ATL1: variants seen among roughly 807,000 people sequenced by gnomAD.
ATL1 encodes atlastin GTPase 1.
In ATL1, 31 loss-of-function variants were observed where a neutral mutation model predicts 75.5. The observed-to-expected ratio is 0.41, with a 90% CI of 0.31 to 0.55. The LOEUF is 0.55. ATL1 is among the 20% of genes least tolerant of loss of function. The probability of loss-of-function intolerance (pLI) is 0.27; values close to 1 mark genes in which losing one functional copy is unlikely to be tolerated. For synonymous variants in ATL1, 226 were observed against 233.3 expected, an observed-to-expected ratio of 0.97 and a Z score of 0.28; for missense variants, 405 against 662.6, an observed-to-expected ratio of 0.61 and a Z score of 4.27.
intron 1 of ATL1, among the ~76,000 whole-genome samples, chr14:50,554,844 T>C (rs1204445576): frequency 6.6e-6 from 1 of 152,200 alleles, no homozygotes; most frequent in Non-Finnish European, 1.5e-5. Flanking sequence ...TTCAGTCTCT[T>C]GGTTCCCTCC....
Position 50,591,257 on chromosome 14 carries a change from A to G in ATL1, c.417+182A>G, listed in dbSNP as rs369779385. Among the ~76,000 whole-genome samples, 72 of 152,350 alleles carry G rather than the reference A, an allele frequency of 4.7e-4. 3 individuals carry two copies. The South Asian group carries it at 0.014, about 30-fold the overall frequency. ...TCTTGTGATCAGAGTAGGCGAAATT[A>G]TAACGATGATAGAACAGCAGATCAG... On this transcript the variant is annotated intron_variant, in intron 3 of 13. Transcript: ENST00000358385.
At chr14:50,600,565 A>G (rs1365006946) in intron 6 of ATL1, among the ~76,000 whole-genome samples, 3 of 152,242 alleles carry the variant, frequency 2.0e-5, no homozygotes, top group Admixed American at 6.5e-5. Context: ...TTCAAATTTC[A>G]AAACATATAT....
chr14:50,631,070 C>G (rs2039575239), intron 13 of ATL1: 3 of 363,968 alleles, frequency 8.2e-6, no homozygotes, highest in Non-Finnish European at 1.6e-5. Context: ...ACCAGCCTGG[C>G]TAACATGGTG....
intron 6 of ATL1, among the ~76,000 whole-genome samples, chr14:50,598,785 T>C (rs1289657725): frequency 2.0e-5 from 3 of 152,114 alleles, no homozygotes; most frequent in Non-Finnish European, 4.4e-5. Context: ...AACTAAACAG[T>C]TTAAATACAC....
intron 1 of ATL1, among the ~76,000 whole-genome samples, chr14:50,544,297 C>T (rs915650212): frequency 6.6e-6 from 1 of 152,190 alleles, no homozygotes; most frequent in African/African-American, 2.4e-5. Flanking sequence ...CCAATAACTA[C>T]CCTCTTTTCT....
intron 1 of ATL1, among the ~76,000 whole-genome samples, chr14:50,582,679 G>A (rs139763750): frequency 0.049 from 7,393 of 151,334 alleles, 277 homozygotes; most frequent in Admixed American, 0.13. Context: ...ACCCGCCTCG[G>A]CCTCCCAAAG....
intron 5 of ATL1, among the ~76,000 whole-genome samples, 166 bp from the exon 6 acceptor site, chr14:50,595,410 A>G (rs749049814): frequency 6.6e-6 from 1 of 152,158 alleles, no homozygotes; most frequent in Non-Finnish European, 1.5e-5. Flanking sequence ...TCCAATGCTT[A>G]TTTCCTAAAA....
intron 1 of ATL1, among the ~76,000 whole-genome samples, chr14:50,581,712 A>G (rs1370578821): frequency 6.6e-6 from 1 of 152,132 alleles, no homozygotes; most frequent in Non-Finnish European, 1.5e-5. Context: ...TTTGAAGTTT[A>G]TTGAGATCTG....
In ATL1 at chr14:50,576,005, C is replaced by T. The variant is rs181694156; in HGVS notation, c.35-11826C>T. 4.1e-3 allele frequency among the ~76,000 whole-genome samples: 619 copies of T among 152,152 alleles called. 3 individuals are homozygous for T. The highest frequency in any genetic ancestry group is 0.013 in the African/African-American group (552 of 41,512). On this transcript the variant is annotated intron_variant, in intron 1 of 13. Transcript: ENST00000358385. Reference sequence around the variant, plus strand: ...AAGGTGAAATGATATACAGACTATCCTCAACTTATGATGGTTTGACCTATG... The same window carrying T: ...AAGGTGAAATGATATACAGACTATCTTCAACTTATGATGGTTTGACCTATG...
intron 8 of ATL1, among the ~76,000 whole-genome samples, chr14:50,619,719 T>G (rs1259531416): frequency 6.6e-6 from 1 of 152,198 alleles, no homozygotes; most frequent in Non-Finnish European, 1.5e-5. Flanking sequence ...TTTCTTGCTA[T>G]TTTATTTTGT....
chr14:50,623,086 C>G (rs1333010740), intron 10 of ATL1, 91 bp from the exon 11 acceptor site: 2 of 1,046,184 alleles, frequency 1.9e-6, no homozygotes, highest in East Asian at 2.5e-5. Flanking sequence ...TTGCACATTT[C>G]TTGCACATGA....
At chr14:50,595,683 T>C (rs958573018) in intron 6 of ATL1, 51 bp downstream of exon 6, 37 of 1,510,792 alleles carry the variant, frequency 2.4e-5, no homozygotes, top group Non-Finnish European at 3.4e-5. Flanking sequence ...TCCTGAAGAC[T>C]GTAACCAGGT....
rs35629585 is a variant in ATL1, at chr14:50,595,623, G to A, written c.621G>A (p.Lys207=). Residue 207 remains lysine, a synonymous_variant, in exon 6 of 14, where the codon AAG becomes AAA. Transcript: ENST00000358385. ...GRLAMEETFL[K]PFQSLIFLVR... is the part of the protein sequence containing the mutation. ...TGGCAATGGAGGAAACATTCCTGAA[G>A]CCATTTCAGGTGAGCGAGTGTTAAA... 714 of 1,613,716 alleles carry A rather than the reference G, an allele frequency of 4.4e-4. 4 individuals are homozygous for A. In the African/African-American group the frequency reaches 8.0e-3, roughly 18 times the overall value.
In ATL1 at chr14:50,587,766, G is replaced by A. The variant is rs2039116118; in HGVS notation, c.35-65G>A. The A allele has an allele frequency of 5.6e-6, 9 of 1,606,090 alleles. No homozygotes were observed. In the South Asian group the frequency reaches 8.8e-5, roughly 16 times the overall value. On this transcript the variant is annotated intron_variant, in intron 1 of 13. Coordinates refer to ENST00000358385, the MANE Select transcript of ATL1 (RefSeq NM_015915.5). ...TGTGTCGGATGTTTGAGAGTTAAGA[G>A]GTACATATACATTTCTTGGCACTTT...
chr14:50,586,531 T>C (rs2039103608), intron 1 of ATL1, among the ~76,000 whole-genome samples: 1 of 152,162 alleles, frequency 6.6e-6, no homozygotes, highest in South Asian at 2.1e-4. Flanking sequence ...TCTCTAACAT[T>C]GGGGATTAAG....
At chr14:50,550,660 T>G (rs1204803072) in intron 1 of ATL1, among the ~76,000 whole-genome samples, 1 of 152,082 alleles carries the variant, frequency 6.6e-6, no homozygotes, top group African/African-American at 2.4e-5. Flanking sequence ...ACAAAACAAG[T>G]CTCAATAAAC....
At chr14:50,575,164 A>G (rs1440543970) in intron 1 of ATL1, among the ~76,000 whole-genome samples, 1 of 151,656 alleles carries the variant, frequency 6.6e-6, no homozygotes, top group Non-Finnish European at 1.5e-5. Context: ...CTACACACAC[A>G]CATACACACA....
chr14:50,551,484 C>A (rs1043015043), intron 1 of ATL1, among the ~76,000 whole-genome samples: 9 of 151,990 alleles, frequency 5.9e-5, no homozygotes, highest in African/African-American at 2.2e-4. Flanking sequence ...GAAACTATTT[C>A]AAAAGATAAA....
chr14:50,629,057 A>G (rs2039551576), intron 12 of ATL1, among the ~76,000 whole-genome samples: 1 of 152,216 alleles, frequency 6.6e-6, no homozygotes, highest in South Asian at 2.1e-4. Context: ...AAAAGTTGTA[A>G]GAGACAACAG....
Sources: allele counts gnomAD v4.1 joint callset (sites outside exome capture counted in the v4.1 genomes callset), GRCh38; gene constraint gnomAD v4.1.1; transcripts MANE v1.5; gene names NCBI Gene and HGNC (gene_info 2026-07-23, HGNC 2026-07-21).